The following FRMD7 variants were observed in gnomAD, a reference collection of about 807,000 sequenced individuals.
FRMD7 encodes FERM domain-containing protein 7.
A neutral mutation model predicts 44.1 loss-of-function variants in FRMD7; 14 were observed. The observed-to-expected ratio is 0.32, with a 90% CI of 0.21 to 0.50. The LOEUF (loss-of-function observed/expected upper bound fraction) is 0.50. Among genes scored for constraint, FRMD7 ranks in the 20% least tolerant of loss-of-function variants. The pLI, the probability that FRMD7 is intolerant of heterozygous loss-of-function variation, is 0.99. For missense variants in FRMD7, 501 were observed against 522.3 expected (o/e 0.96, Z 0.40); for synonymous variants, 212 against 187.4 (o/e 1.13, Z -1.07).
chrX:132,125,033 G>A (rs1277370383), intron 1 of FRMD7, among the ~76,000 whole-genome samples: 1 of 111,811 alleles, frequency 8.9e-6, no homozygotes, highest in East Asian at 2.8e-4. Context: ...TCCAGATCTG[G>A]CTCTTCTGAC....
intron 1 of FRMD7, among the ~76,000 whole-genome samples, chrX:132,115,094 T>A (rs1231207332): frequency 1.8e-5 from 2 of 112,558 alleles, no homozygotes; most frequent in Non-Finnish European, 3.8e-5. Context: ...CTCAGCAGTG[T>A]AACTTAACTC....
Position 132,078,802 on chromosome X carries a change from T to C in FRMD7, c.1215A>G (p.Leu405=). ...AAGAGGAACTGCTTTGGGACTGATG[T>C]AGCAATGTGGGATCCGCCTCTGGTT... ...HSKPEADPTL[L]HQSQSSSSFP... is the part of the protein sequence containing the mutation. The change falls in exon 12 of 12, where the codon CTA becomes CTG. Residue 405 remains leucine, a synonymous_variant. Transcript: ENST00000298542. 3 of 1,211,394 alleles carry C rather than the reference T, an allele frequency of 2.5e-6. No individual in the cohort carries two copies. Among genetic ancestry groups the C allele is most frequent in the Non-Finnish European group, 3.4e-6 (3 of 895,272 alleles).
chrX:132,102,766 C>T (rs1231021445), intron 1 of FRMD7, among the ~76,000 whole-genome samples: 1 of 111,837 alleles, frequency 8.9e-6, no homozygotes, highest in Non-Finnish European at 1.9e-5. Context: ...ATTTAAGAAG[C>T]TCAAGATTTT....
At chrX:132,096,536 C>T (rs5933070) in intron 4 of FRMD7, among the ~76,000 whole-genome samples, 1 of 103,715 alleles carries the variant, frequency 9.6e-6, no homozygotes, top group Non-Finnish European at 2.0e-5. Context: ...GGCAACATAG[C>T]AAAGCCCCAT....
At position 132,080,193 on chromosome X, in the gene FRMD7, T is replaced by C. The variant is rs1484390723; in HGVS notation, c.974+5A>G. On this transcript the variant is annotated splice_donor_5th_base_variant and intron_variant, in intron 10 of 11. Coordinates refer to ENST00000298542, the MANE Select transcript of FRMD7 (RefSeq NM_194277.3). ...AACACGAGCAAGAGAAACAAAATCA[T>C]GTACCTTTCAAATGGCAAGCTCTTC... 3 of 1,198,334 alleles carry C rather than the reference T, an allele frequency of 2.5e-6. No homozygotes were observed. The highest frequency in any genetic ancestry group is 3.4e-6 in the Non-Finnish European group (3 of 884,703).
At chrX:132,087,053 T>G (rs924546400) in intron 5 of FRMD7, among the ~76,000 whole-genome samples, 5 of 112,384 alleles carry the variant, frequency 4.4e-5, no homozygotes, top group Admixed American at 9.4e-5. Context: ...GCACTATGTC[T>G]ACAAAGGCAT....
chrX:132,084,185 T>C (rs1927911252), intron 8 of FRMD7, among the ~76,000 whole-genome samples: 2 of 112,073 alleles, frequency 1.8e-5, no homozygotes, highest in African/African-American at 6.5e-5. Context: ...GTCCTAGATC[T>C]GGTCACTCCC....
chrX:132,080,353 CAA>C lies in FRMD7; in HGVS notation c.906-89_906-88del, dbSNP rs1927768747. 15 of 605,077 alleles carry C rather than the reference CAA, an allele frequency of 2.5e-5. No homozygotes were observed. In the South Asian group the frequency reaches 3.5e-4, roughly 14 times the overall value. 49.9% of individuals were successfully genotyped at this position (605,077 alleles called of 1,213,427 possible). ...TGAAAGCCTCGTTTATTGTTGAAAT[CAA>C]AAGACTAGATGAATGACATATGTCA... On this transcript the variant is annotated intron_variant, in intron 9 of 11. Coordinates refer to ENST00000298542, the MANE Select transcript of FRMD7 (RefSeq NM_194277.3).
Position 132,094,259 on chromosome X carries a change from C to CT in FRMD7, c.285-121dup, listed in dbSNP as rs1165066295. The CT allele has an allele frequency of 7.7e-6, 4 of 519,926 alleles. No individual in the cohort carries two copies. In the Admixed American group the frequency reaches 1.1e-4, roughly 14 times the overall value. The allele number at this position is 519,926 out of a possible 1,213,427, so 42.8% of individuals were successfully genotyped here. On this transcript the variant is annotated intron_variant, in intron 4 of 11. Coordinates refer to ENST00000298542, the MANE Select transcript of FRMD7 (RefSeq NM_194277.3). The stretch of plus-strand genomic sequence containing the variant: ...ATGGTGCCCCCAGTCAGTCAGATGC[C>CT]TTTTTGGGGGTGGTGAGTAATGCAT...
At chrX:132,118,863 G>GC (rs1235026378) in intron 1 of FRMD7, among the ~76,000 whole-genome samples, 1 of 109,969 alleles carries the variant, frequency 9.1e-6, no homozygotes, top group Non-Finnish European at 1.9e-5. Context: ...CTCCCCCACA[G>GC]CCCCCCAACT....
At position 132,102,199 on chromosome X, in the gene FRMD7, G is replaced by A. The variant is rs552403927; in HGVS notation, c.58-1483C>T. Among the ~76,000 whole-genome samples the A allele has an allele frequency of 5.5e-4, 61 of 110,505 alleles. 1 individual carries two copies. The South Asian group carries it at 0.023, about 42-fold the overall frequency. ...GCCTACCTCACCCGCTTCCCCCACC[G>A]TCCAAAAATACACCCCTCTCCCCAT... On this transcript the variant is annotated intron_variant, in intron 1 of 11. Coordinates refer to ENST00000298542, the MANE Select transcript of FRMD7 (RefSeq NM_194277.3).
At chrX:132,078,993 A>G (rs1927721191) in intron 11 of FRMD7, 27 bp from the exon 12 acceptor site, 1 of 1,179,863 alleles carries the variant, frequency 8.5e-7, no homozygotes, top group East Asian at 3.0e-5. Flanking sequence ...CATTGGTGAA[A>G]GAAGGAAAAG....
At chrX:132,105,754 T>A (rs1342172200) in intron 1 of FRMD7, among the ~76,000 whole-genome samples, 2 of 111,518 alleles carry the variant, frequency 1.8e-5, no homozygotes, top group African/African-American at 6.5e-5. Context: ...AAACTAGCAA[T>A]GGGGAAAAGA....
intron 2 of FRMD7, among the ~76,000 whole-genome samples, chrX:132,099,976 G>A (rs1407824669): frequency 8.9e-6 from 1 of 112,194 alleles, no homozygotes; most frequent in African/African-American, 3.2e-5. Context: ...AAAGGAGAAA[G>A]GAGATTCCTC....
At chrX:132,095,858 A>C (rs1479665989) in intron 4 of FRMD7, among the ~76,000 whole-genome samples, 1 of 112,508 alleles carries the variant, frequency 8.9e-6, no homozygotes. Context: ...TAGTTGCTAA[A>C]GGAAAGGTGA....
At chrX:132,105,962 T>C (rs1928636829) in intron 1 of FRMD7, among the ~76,000 whole-genome samples, 1 of 111,899 alleles carries the variant, frequency 8.9e-6, no homozygotes, top group Non-Finnish European at 1.9e-5. Flanking sequence ...AAAGATTTCA[T>C]GACAAAGACA....
At chrX:132,098,748 G>T (rs955771327) in intron 3 of FRMD7, among the ~76,000 whole-genome samples, 3 of 107,756 alleles carry the variant, frequency 2.8e-5, no homozygotes, top group Non-Finnish European at 5.8e-5. Flanking sequence ...CAATTTGGAA[G>T]CTGTTGGAAT....
At chrX:132,086,067 A>G (rs1927979778) in intron 5 of FRMD7, 33 bp from the exon 6 acceptor site, 1 of 908,800 alleles carries the variant, frequency 1.1e-6, no homozygotes, top group African/African-American at 2.0e-5. Context: ...TTTTCACATT[A>G]CCTTTGAGGA....
At chrX:132,099,094 A>G (rs1305412171) in intron 3 of FRMD7, among the ~76,000 whole-genome samples, 2 of 111,982 alleles carry the variant, frequency 1.8e-5, no homozygotes, top group Non-Finnish European at 3.8e-5. Context: ...AAAGCGAGTG[A>G]ATAATGCTTG....
Sources: gnomAD v4.1 joint callset for allele counts (sites outside exome capture counted in the v4.1 genomes callset) on GRCh38, gnomAD v4.1.1 for gene constraint, MANE v1.5 for transcripts, NCBI Gene and HGNC (gene_info 2026-07-23, HGNC 2026-07-21) for gene names.